The following PIP4K2A variants were observed in gnomAD, a reference collection of about 807,000 sequenced individuals.
The protein encoded by PIP4K2A is phosphatidylinositol-5-phosphate 4-kinase type 2 alpha.
PIP4K2A carries 14 observed loss-of-function variants against 42.9 expected under a neutral mutation model. That is an observed-to-expected ratio of 0.33 (90% CI 0.22 to 0.51). The LOEUF (loss-of-function observed/expected upper bound fraction) is 0.51. Among genes scored for constraint, PIP4K2A ranks in the 20% least tolerant of loss-of-function variants. The pLI is 0.97. For missense variants in PIP4K2A, 434 were observed against 519.8 expected, an observed-to-expected ratio of 0.83 and a Z score of 1.61; for synonymous variants, 192 against 192.2, an observed-to-expected ratio of 1.00 and a Z score of 0.01.
At position 22,628,958 on chromosome 10, in the gene PIP4K2A, C is replaced by T. The variant is rs181721928; in HGVS notation, c.145-19241G>A. Among the ~76,000 whole-genome samples, 8 of 152,212 alleles carry T rather than the reference C, an allele frequency of 5.3e-5. No individual in the cohort carries two copies. The East Asian group carries it at 1.5e-3, about 29-fold the overall frequency. On this transcript the variant is annotated intron_variant, in intron 1 of 9. Coordinates refer to ENST00000376573, the MANE Select transcript of PIP4K2A (RefSeq NM_005028.5). Reference sequence around the variant, plus strand: ...ACCCCCTCTTCCATCATGGCCTGAACACGTTTTTCAGGTTAACTTTGGAAC... The same window carrying T: ...ACCCCCTCTTCCATCATGGCCTGAATACGTTTTTCAGGTTAACTTTGGAAC...
At chr10:22,681,524 A>C (rs1839659967) in intron 1 of PIP4K2A, among the ~76,000 whole-genome samples, 1 of 152,070 alleles carries the variant, frequency 6.6e-6, no homozygotes, top group Non-Finnish European at 1.5e-5. Flanking sequence ...AAATTTTAAA[A>C]ATTAGCCAGG....
At chr10:22,654,833 C>G (rs1202491604) in intron 1 of PIP4K2A, among the ~76,000 whole-genome samples, 1 of 152,140 alleles carries the variant, frequency 6.6e-6, no homozygotes, top group African/African-American at 2.4e-5. Flanking sequence ...TGCTTTGAAA[C>G]CTATGAAAGG....
In PIP4K2A at chr10:22,567,359, A is replaced by G. The variant is rs891705478; in HGVS notation, c.678+492T>C. ...TTCTTATCCTTAATTTCTTAGGCAAAAAATACTTGTATCATGTCTTAATAG... is the reference window on the plus strand; with the variant it reads ...TTCTTATCCTTAATTTCTTAGGCAAGAAATACTTGTATCATGTCTTAATAG... On this transcript the variant is annotated intron_variant, in intron 6 of 9. Coordinates refer to ENST00000376573, the MANE Select transcript of PIP4K2A (RefSeq NM_005028.5). Among the ~76,000 whole-genome samples, 3 of 152,118 alleles carry G rather than the reference A, an allele frequency of 2.0e-5. No homozygotes were observed. In the East Asian group the frequency reaches 5.8e-4, roughly 29 times the overall value.
chr10:22,609,591 G>T, intron 2 of PIP4K2A, 29 bp downstream of exon 2: 1 of 1,260,474 alleles, frequency 7.9e-7, no homozygotes, highest in Non-Finnish European at 1.2e-6. Context: ...AGCCACGCTA[G>T]TCTTATGAAA....
intron 9 of PIP4K2A, among the ~76,000 whole-genome samples, chr10:22,538,414 T>C (rs1835994963): frequency 6.6e-6 from 1 of 150,936 alleles, no homozygotes; most frequent in Non-Finnish European, 1.5e-5. Context: ...ACAGGATGTA[T>C]AATATGGGAA....
intron 1 of PIP4K2A, among the ~76,000 whole-genome samples, chr10:22,704,431 G>A (rs1252804060): frequency 1.3e-5 from 2 of 152,112 alleles, no homozygotes; most frequent in African/African-American, 4.8e-5. Context: ...GTTGACGGTT[G>A]CCAGGTACGG....
In PIP4K2A at chr10:22,706,765, C is replaced by A. The variant is rs190482798; in HGVS notation, c.144+7418G>T. On this transcript the variant is annotated intron_variant, in intron 1 of 9. Coordinates refer to ENST00000376573, the MANE Select transcript of PIP4K2A (RefSeq NM_005028.5). ...TTAGATTTCTGACACTTCAAAGAAC[C>A]TAATCGCTAGTGGAAGTGTGAAAAA... Among the ~76,000 whole-genome samples the A allele has an allele frequency of 9.2e-5, 14 of 152,160 alleles. No individual in the cohort carries two copies. The East Asian group carries it at 2.5e-3, about 27-fold the overall frequency.
intron 1 of PIP4K2A, among the ~76,000 whole-genome samples, chr10:22,610,913 A>C (rs1564441963): frequency 6.6e-6 from 1 of 152,224 alleles, no homozygotes; most frequent in Non-Finnish European, 1.5e-5. Flanking sequence ...AAGATCAATC[A>C]AACATGAGCT....
chr10:22,568,555 G>C (rs1349664554), intron 5 of PIP4K2A, among the ~76,000 whole-genome samples: 1 of 152,156 alleles, frequency 6.6e-6, no homozygotes, highest in Non-Finnish European at 1.5e-5. Context: ...GAGTGCAGAG[G>C]TACAAAGTGG....
At chr10:22,590,891 G>T (rs1044671725) in intron 4 of PIP4K2A, among the ~76,000 whole-genome samples, 6 of 152,100 alleles carry the variant, frequency 3.9e-5, no homozygotes, top group African/African-American at 1.5e-4. Context: ...AAGACCAGAA[G>T]TCACATGCTT....
At chr10:22,580,470 C>T (rs1048893485) in intron 4 of PIP4K2A, among the ~76,000 whole-genome samples, 5 of 151,860 alleles carry the variant, frequency 3.3e-5, no homozygotes, top group Non-Finnish European at 5.9e-5. Context: ...GCCAACATGG[C>T]GAAACTCCAT....
chr10:22,633,134 G>A (rs1315193864), intron 1 of PIP4K2A, among the ~76,000 whole-genome samples: 1 of 152,196 alleles, frequency 6.6e-6, no homozygotes, highest in Non-Finnish European at 1.5e-5. Context: ...GTTAAGTGAT[G>A]GCTCAAGGTC....
At chr10:22,602,662 T>C (rs74391140) in intron 3 of PIP4K2A, among the ~76,000 whole-genome samples, 2,642 of 152,190 alleles carry the variant, frequency 0.017, 83 homozygotes, top group African/African-American at 0.059. Context: ...TTCACTTCTC[T>C]TCAAAGTCCC....
At chr10:22,591,391 G>A (rs1213167560) in intron 4 of PIP4K2A, among the ~76,000 whole-genome samples, 1 of 152,198 alleles carries the variant, frequency 6.6e-6, no homozygotes, top group South Asian at 2.1e-4. Flanking sequence ...TTACACAAGA[G>A]TATTTAGGTT....
At chr10:22,562,681 T>C (rs1836741631) in intron 6 of PIP4K2A, among the ~76,000 whole-genome samples, 1 of 152,218 alleles carries the variant, frequency 6.6e-6, no homozygotes, top group South Asian at 2.1e-4. Flanking sequence ...TACCGAGCCG[T>C]GAATGACGAC....
chr10:22,640,617 G>A (rs78971448), intron 1 of PIP4K2A, among the ~76,000 whole-genome samples: 2,030 of 152,288 alleles, frequency 0.013, 47 homozygotes, highest in African/African-American at 0.045. Flanking sequence ...TGTCCTCTGT[G>A]TGGAGTTCTG....
intron 4 of PIP4K2A, among the ~76,000 whole-genome samples, chr10:22,585,217 G>C (rs780435375): frequency 7.9e-5 from 12 of 152,120 alleles, no homozygotes; most frequent in Non-Finnish European, 1.6e-4. Context: ...CCTAACCTTC[G>C]GGAAAGGATA....
intron 6 of PIP4K2A, among the ~76,000 whole-genome samples, chr10:22,561,064 C>A (rs1004818901): frequency 6.6e-6 from 1 of 152,222 alleles, no homozygotes; most frequent in Non-Finnish European, 1.5e-5. Context: ...AGATCGACCA[C>A]CAGGGAGGTT....
chr10:22,665,715 A>G (rs1839335285), intron 1 of PIP4K2A, among the ~76,000 whole-genome samples: 1 of 151,628 alleles, frequency 6.6e-6, no homozygotes, highest in South Asian at 2.1e-4. Context: ...GGCCTCCCAA[A>G]GTGCTGGGAT....
Sources: gnomAD v4.1 joint callset for allele counts (sites outside exome capture counted in the v4.1 genomes callset) on GRCh38, gnomAD v4.1.1 for gene constraint, MANE v1.5 for transcripts, NCBI Gene and HGNC (gene_info 2026-07-23, HGNC 2026-07-21) for gene names.